DGCR2: variants seen among roughly 807,000 people sequenced by gnomAD.
DGCR2 encodes DiGeorge syndrome critical region gene 2, also known as integral membrane protein DGCR2/IDD.
Under a neutral mutation model 51.6 loss-of-function variants are expected in DGCR2, and 24 were observed. That is an observed-to-expected ratio of 0.47 (90% CI 0.34 to 0.65). The LOEUF is 0.65. Ranked by LOEUF, DGCR2 falls within the 30% of genes least tolerant of loss-of-function variation. The pLI is 0.01. For missense variants in DGCR2, 765 were observed against 772.1 expected (o/e 0.99, Z 0.11); for synonymous variants, 340 against 315.4 (o/e 1.08, Z -0.82).
chr22:19,083,202 C>A (rs2082960844), intron 2 of DGCR2, among the ~76,000 whole-genome samples: 1 of 152,178 alleles, frequency 6.6e-6, no homozygotes, highest in Non-Finnish European at 1.5e-5. Flanking sequence ...AGGGATCCAA[C>A]TGCATCCTTC....
At chr22:19,114,930 G>A (rs1443605685) in intron 1 of DGCR2, among the ~76,000 whole-genome samples, 1 of 152,158 alleles carries the variant, frequency 6.6e-6, no homozygotes, top group Non-Finnish European at 1.5e-5. Context: ...ACTAACCAAG[G>A]AAGACAAGCT....
In DGCR2 at chr22:19,036,904, T is replaced by G. The variant is rs928264474; in HGVS notation, c.*1961A>C. ...AAAGGAAGCGTCCCAGTCCCACACATCTCGTGCCAGCCACCCTGTCCCGCA... is the reference window on the plus strand; with the variant it reads ...AAAGGAAGCGTCCCAGTCCCACACAGCTCGTGCCAGCCACCCTGTCCCGCA... On this transcript the variant is annotated 3_prime_UTR_variant, in exon 10 of 10. Transcript: ENST00000263196. The G allele has an allele frequency of 7.2e-5, 11 of 152,430 alleles. No homozygotes were observed. The highest frequency in any genetic ancestry group is 2.7e-4 in the African/African-American group (11 of 41,412). The allele number at this position is 152,430 out of a possible 1,614,324, so 9.4% of individuals were successfully genotyped here. A position where few individuals can be genotyped will look rare whatever the true frequency, so the allele number is the denominator to read the frequency against.
At chr22:19,115,420 C>T (rs141032965) in intron 1 of DGCR2, among the ~76,000 whole-genome samples, 1 of 152,184 alleles carries the variant, frequency 6.6e-6, no homozygotes, top group African/African-American at 2.4e-5. Flanking sequence ...AAGCTCCTAC[C>T]AGGGTGGGGC....
chr22:19,097,042 A>G (rs17743642), intron 1 of DGCR2, among the ~76,000 whole-genome samples: 21,468 of 152,044 alleles, frequency 0.14, 1,955 homozygotes, highest in South Asian at 0.28. Context: ...TAGTTGAGTA[A>G]GAAGTAATAA....
intron 6 of DGCR2, among the ~76,000 whole-genome samples, chr22:19,052,059 C>G (rs2082553971): frequency 6.6e-6 from 1 of 152,194 alleles, no homozygotes; most frequent in Non-Finnish European, 1.5e-5. Context: ...TCTTTAAAAA[C>G]TAAACCTGCA....
chr22:19,062,188 G>A lies in DGCR2; in HGVS notation c.625+1014C>T, dbSNP rs551576398. On this transcript the variant is annotated intron_variant, in intron 5 of 9. Coordinates refer to ENST00000263196, the MANE Select transcript of DGCR2 (RefSeq NM_005137.3). ...CTAAACAATGCACTCATAAAGCCAG[G>A]GAATGCAAATGTGGCTGGGGCTCTC... is the stretch of plus-strand genomic sequence containing the variant. Among the ~76,000 whole-genome samples the A allele has an allele frequency of 6.6e-5, 10 of 152,354 alleles. No individual in the cohort carries two copies. In the East Asian group the frequency reaches 1.7e-3, roughly 26 times the overall value.
At chr22:19,067,436 T>C (rs536750924) in intron 3 of DGCR2, among the ~76,000 whole-genome samples, 1 of 152,314 alleles carries the variant, frequency 6.6e-6, no homozygotes, top group African/African-American at 2.4e-5. Context: ...CTCATGCCTG[T>C]AATCCTAGCA....
intron 9 of DGCR2, 52 bp from the exon 10 acceptor site, chr22:19,039,173 G>C: frequency 6.2e-7 from 1 of 1,600,518 alleles, no homozygotes; most frequent in Non-Finnish European, 8.5e-7. Flanking sequence ...CTGGCACAGG[G>C]GATGCAGGGG....
intron 2 of DGCR2, among the ~76,000 whole-genome samples, chr22:19,087,678 CTTT>C (rs35513614): frequency 1.7e-4 from 20 of 120,238 alleles, no homozygotes; most frequent in East Asian, 7.1e-4. Flanking sequence ...CTGCACCTGG[CTTT>C]TTTTTTTTTT....
chr22:19,114,060 AG>A (rs1372918077), intron 1 of DGCR2, among the ~76,000 whole-genome samples: 3 of 105,828 alleles, frequency 2.8e-5, no homozygotes, highest in African/African-American at 1.3e-4. Flanking sequence ...ATTCCATTTG[AG>A]GAAAAAAAAA....
rs183432531 is a variant in DGCR2, at chr22:19,038,045, C to T, written c.*820G>A. Reference sequence around the variant, plus strand: ...CAGAGTGGAGAGACAGGAGGCAGCTCAGTCCCCAGACCCCAGCAGAGCATC... The same window carrying T: ...CAGAGTGGAGAGACAGGAGGCAGCTTAGTCCCCAGACCCCAGCAGAGCATC... On this transcript the variant is annotated 3_prime_UTR_variant, in exon 10 of 10. Coordinates refer to ENST00000263196, the MANE Select transcript of DGCR2 (RefSeq NM_005137.3). 3.6e-4 allele frequency: 55 copies of T among 152,892 alleles called. No individual in the cohort carries two copies. The highest frequency in any genetic ancestry group is 3.4e-3 in the Middle Eastern group (1 of 296). 9.5% of individuals were successfully genotyped at this position (152,892 alleles called of 1,614,324 possible).
intron 7 of DGCR2, chr22:19,046,407 A>G (rs1056160160): frequency 6.5e-6 from 1 of 153,060 alleles, no homozygotes; most frequent in African/African-American, 2.4e-5. Context: ...ATTAGTTCTA[A>G]TAACTTTCCT....
intron 1 of DGCR2, among the ~76,000 whole-genome samples, chr22:19,118,831 A>G (rs1050470317): frequency 2.0e-5 from 3 of 152,252 alleles, no homozygotes; most frequent in Non-Finnish European, 4.4e-5. Flanking sequence ...TTTTAGAATC[A>G]GCAGTCGATG....
chr22:19,074,198 G>C (rs1240925275), intron 2 of DGCR2, among the ~76,000 whole-genome samples: 1 of 152,108 alleles, frequency 6.6e-6, no homozygotes, highest in East Asian at 1.9e-4. Flanking sequence ...GACCGAGGCA[G>C]GCGATCGCTT....
chr22:19,075,888 T>C (rs1185729938), intron 2 of DGCR2, among the ~76,000 whole-genome samples: 1 of 152,230 alleles, frequency 6.6e-6, no homozygotes, highest in Admixed American at 6.5e-5. Flanking sequence ...TGCTATGAAC[T>C]TGGGTGTACA....
At chr22:19,041,685 C>T in intron 8 of DGCR2, 122 bp downstream of exon 8, 1 of 1,169,458 alleles carries the variant, frequency 8.6e-7, no homozygotes, top group South Asian at 1.5e-5. Flanking sequence ...ACAGACCCCA[C>T]AACATGTGGC....
intron 2 of DGCR2, among the ~76,000 whole-genome samples, chr22:19,086,483 A>T (rs534183817): frequency 5.7e-4 from 85 of 149,154 alleles, no homozygotes; most frequent in African/African-American, 2.0e-3. Context: ...CATCTCAAAT[A>T]AAAAAAAAAG....
At chr22:19,105,338 T>C (rs191248868) in intron 1 of DGCR2, among the ~76,000 whole-genome samples, 29 of 151,922 alleles carry the variant, frequency 1.9e-4, no homozygotes, top group African/African-American at 6.5e-4. Flanking sequence ...ACTAAAAAAA[T>C]AGGGAGGACA....
intron 6 of DGCR2, among the ~76,000 whole-genome samples, chr22:19,051,502 C>T (rs2082548620): frequency 1.3e-5 from 2 of 152,162 alleles, no homozygotes; most frequent in African/African-American, 4.8e-5. Context: ...AGGAGGATCA[C>T]TTGAGCCTAG....
Sources: gnomAD v4.1 joint callset for allele counts (sites outside exome capture counted in the v4.1 genomes callset) on GRCh38, gnomAD v4.1.1 for gene constraint, MANE v1.5 for transcripts, NCBI Gene and HGNC (gene_info 2026-07-23, HGNC 2026-07-21) for gene names.